ADGRV1: variants seen among roughly 807,000 people sequenced by gnomAD.
The protein encoded by ADGRV1 is G-protein coupled receptor 98.
Under a neutral mutation model 596.2 loss-of-function variants are expected in ADGRV1, and 359 were observed. That is an observed-to-expected ratio of 0.60 (90% confidence interval 0.55 to 0.66). The LOEUF (loss-of-function observed/expected upper bound fraction) is 0.66. Ranked by LOEUF, ADGRV1 falls within the 30% of genes least tolerant of loss-of-function variation. The pLI, the probability that ADGRV1 is intolerant of heterozygous loss-of-function variation, is 0.00. For synonymous variants in ADGRV1, 2,681 were observed against 2,679.2 expected (o/e 1.00, Z -0.02); for missense variants, 7,274 against 7,575.6 (o/e 0.96, Z 1.48).
At chr5:90,805,486 C>T (rs769639196) in intron 72 of ADGRV1, 28 bp downstream of exon 72, 30 of 1,523,866 alleles carry the variant, frequency 2.0e-5, no homozygotes, top group Non-Finnish European at 2.5e-5. Context: ...TAAGATGAGT[C>T]CTGTAGAATA....
At chr5:90,644,059 T>G (rs999244616) in intron 14 of ADGRV1, 76 bp downstream of exon 14, 165 of 1,062,112 alleles carry the variant, frequency 1.6e-4, no homozygotes, top group Non-Finnish European at 2.0e-4. Flanking sequence ...ATTTCTTTAG[T>G]AACTAGTTAT....
At chr5:91,077,926 A>C (rs530036961) in intron 86 of ADGRV1, among the ~76,000 whole-genome samples, 1 of 152,328 alleles carries the variant, frequency 6.6e-6, no homozygotes, top group Middle Eastern at 3.4e-3. Flanking sequence ...GGAATGATTC[A>C]TGGATCAGGA....
At chr5:91,057,645 C>G (rs138126870) in intron 85 of ADGRV1, among the ~76,000 whole-genome samples, 2 of 152,082 alleles carry the variant, frequency 1.3e-5, no homozygotes, top group Non-Finnish European at 2.9e-5. Flanking sequence ...ATCCTGTTGA[C>G]AAAAATAAAT....
intron 87 of ADGRV1, among the ~76,000 whole-genome samples, chr5:91,134,458 T>C (rs911407254): frequency 1.3e-5 from 2 of 152,192 alleles, no homozygotes; most frequent in African/African-American, 4.8e-5. Context: ...CCTCCCAAAG[T>C]GCTCAGATTA....
chr5:90,595,529 C>T (rs1167469640), intron 1 of ADGRV1, among the ~76,000 whole-genome samples: 11 of 124,230 alleles, frequency 8.9e-5, no homozygotes, highest in African/African-American at 3.7e-4. Flanking sequence ...AGGCGCCCCT[C>T]ACCTCCTGGA....
intron 82 of ADGRV1, among the ~76,000 whole-genome samples, chr5:90,860,918 GTATCT>G (rs1208631536): frequency 1.3e-5 from 2 of 152,124 alleles, no homozygotes; most frequent in Non-Finnish European, 2.9e-5. Flanking sequence ...TATTTGGAAA[GTATCT>G]CTCATTCTTA....
chr5:90,574,465 A>G (rs1756949319), intron 1 of ADGRV1, among the ~76,000 whole-genome samples: 1 of 152,126 alleles, frequency 6.6e-6, no homozygotes, highest in South Asian at 2.1e-4. Context: ...AACTTTGTGT[A>G]TAGAAATGCT....
chr5:90,916,021 C>T (rs925143046), intron 83 of ADGRV1, among the ~76,000 whole-genome samples: 20 of 152,076 alleles, frequency 1.3e-4, no homozygotes, highest in African/African-American at 4.8e-4. Context: ...TGTAGCATTT[C>T]TAAGAGGTTT....
chr5:90,683,088 A>C (rs1005648623), intron 27 of ADGRV1, among the ~76,000 whole-genome samples: 1 of 152,234 alleles, frequency 6.6e-6, no homozygotes, highest in Admixed American at 6.5e-5. Context: ...TATGTTGTTA[A>C]TCACATTTAA....
chr5:90,652,242 CTTT>C, intron 18 of ADGRV1, 101 bp from the exon 19 acceptor site: 3 of 794,160 alleles, frequency 3.8e-6, no homozygotes, highest in Non-Finnish European at 5.7e-6. Context: ...TGGTTTGTTT[CTTT>C]TAAGACAATA....
intron 87 of ADGRV1, among the ~76,000 whole-genome samples, chr5:91,139,018 C>G (rs909801749): frequency 6.6e-6 from 1 of 152,030 alleles, no homozygotes; most frequent in Non-Finnish European, 1.5e-5. Flanking sequence ...TGATCCACCC[C>G]CCTTGGCCTC....
At chr5:90,647,435 T>A in intron 16 of ADGRV1, 63 bp from the exon 17 acceptor site, 1 of 1,522,376 alleles carries the variant, frequency 6.6e-7, no homozygotes, top group Non-Finnish European at 8.9e-7. Context: ...AAGCACAATG[T>A]GATCTGAAAA....
intron 87 of ADGRV1, among the ~76,000 whole-genome samples, chr5:91,147,741 G>A (rs1354056926): frequency 2.0e-5 from 3 of 152,194 alleles, no homozygotes; most frequent in Admixed American, 2.0e-4. Context: ...GTACCTCAGA[G>A]AGTGGGGTGC....
intron 85 of ADGRV1, among the ~76,000 whole-genome samples, chr5:90,993,388 A>ACC (rs1182523582): frequency 6.6e-6 from 1 of 151,706 alleles, no homozygotes; most frequent in African/African-American, 2.4e-5. Flanking sequence ...CGAACTCCTG[A>ACC]TCTTGTGATC....
At chr5:90,970,138 G>C (rs1299275982) in intron 84 of ADGRV1, among the ~76,000 whole-genome samples, 1 of 152,242 alleles carries the variant, frequency 6.6e-6, no homozygotes, top group Non-Finnish European at 1.5e-5. Context: ...TAGCACAGCA[G>C]TCTGAGATCG....
intron 87 of ADGRV1, among the ~76,000 whole-genome samples, chr5:91,117,203 A>G (rs1792922368): frequency 6.6e-6 from 1 of 152,172 alleles, no homozygotes; most frequent in African/African-American, 2.4e-5. Context: ...TTTATTTGGA[A>G]AATTTGTAAT....
Position 90,788,114 on chromosome 5 carries a change from T to G in ADGRV1, c.13697T>G (p.Leu4566Arg), listed in dbSNP as rs751779183. 5 of 1,613,460 alleles carry G rather than the reference T, an allele frequency of 3.1e-6. No individual in the cohort carries two copies. The highest frequency in any genetic ancestry group is 1.7e-4 in the Middle Eastern group (1 of 6,056). The change falls in exon 68 of 90, where the codon CTG becomes CGG. Residue 4566 changes from leucine (L) to arginine (R), a missense_variant. By Grantham distance (102) the Leu-to-Arg change is moderately radical (BLOSUM62 -2). Transcript: ENST00000405460. ...GGACCCAACTCTCAAGAAGCCTTACTGCCACAGAATAGAGACATTGCAGAC... is the reference window on the plus strand; with the variant it reads ...GGACCCAACTCTCAAGAAGCCTTACGGCCACAGAATAGAGACATTGCAGAC... ...TVGPNSQEAL[L>R]PQNRDIADPV...
intron 77 of ADGRV1, among the ~76,000 whole-genome samples, chr5:90,834,873 C>CTCTT (rs966430369): frequency 3.3e-5 from 5 of 150,632 alleles, no homozygotes; most frequent in Admixed American, 1.3e-4. Flanking sequence ...TTCTTTCTTT[C>CTCTT]TCTTTCTTTC....
rs1580815673 is a variant in ADGRV1 at position 90,708,911 on chromosome 5, T to G, written c.8824+2T>G. On this transcript the variant is annotated splice_donor_variant, in intron 39 of 89. Coordinates refer to ENST00000405460, the MANE Select transcript of ADGRV1 (RefSeq NM_032119.4). LOFTEE classifies it high-confidence loss of function. Reference sequence around the variant, plus strand: ...CAACTTCATTTCCTCCCAGACTAGGTATGAGGGGTTTCTTGTTTGTTTCTT... The same window carrying G: ...CAACTTCATTTCCTCCCAGACTAGGGATGAGGGGTTTCTTGTTTGTTTCTT... 6.3e-7 allele frequency: 1 copy of G among 1,596,322 alleles called. No individual in the cohort carries two copies. The highest frequency in any genetic ancestry group is 1.3e-5 in the African/African-American group (1 of 74,716).
Sources: allele counts gnomAD v4.1 joint callset (sites outside exome capture counted in the v4.1 genomes callset), GRCh38; gene constraint gnomAD v4.1.1; transcripts MANE v1.5; gene names NCBI Gene and HGNC (gene_info 2026-07-23, HGNC 2026-07-21).